Variants in XRCC4 observed in about 807,000 individuals in gnomAD.
XRCC4 encodes X-ray repair cross complementing 4, also known as DNA repair protein XRCC4.
A neutral mutation model predicts 39.1 loss-of-function variants in XRCC4; 28 were observed. The observed-to-expected ratio is 0.72, with a 90% CI of 0.53 to 0.98. The LOEUF (loss-of-function observed/expected upper bound fraction) is 0.98. Among genes scored for constraint, XRCC4 ranks in the 50% least tolerant of loss-of-function variants. The pLI, the probability that XRCC4 is intolerant of heterozygous loss-of-function variation, is 0.00. For synonymous variants in XRCC4, 123 were observed against 126.4 expected (o/e 0.97, Z 0.18); for missense variants, 350 against 376.4 (o/e 0.93, Z 0.58).
intron 7 of XRCC4, among the ~76,000 whole-genome samples, chr5:83,281,481 G>A (rs1754534706): frequency 6.6e-6 from 1 of 151,030 alleles, no homozygotes; most frequent in African/African-American, 2.5e-5. Flanking sequence ...GTGTTCGGTC[G>A]AGTTTGCACT....
At chr5:83,170,817 C>G (rs1464030428) in intron 3 of XRCC4, among the ~76,000 whole-genome samples, 1 of 152,070 alleles carries the variant, frequency 6.6e-6, no homozygotes, top group East Asian at 1.9e-4. Flanking sequence ...TCACTCACAC[C>G]TGAAAGGAGG....
chr5:83,182,439 A>G (rs1330404131), intron 3 of XRCC4, among the ~76,000 whole-genome samples: 2 of 152,196 alleles, frequency 1.3e-5, no homozygotes, highest in African/African-American at 2.4e-5. Context: ...CTTAAAGCCT[A>G]ATTTATTAAA....
chr5:83,152,682 A>T (rs1439692938), intron 3 of XRCC4, among the ~76,000 whole-genome samples: 1 of 151,888 alleles, frequency 6.6e-6, no homozygotes, highest in Non-Finnish European at 1.5e-5. Flanking sequence ...TATTTCAAAG[A>T]CCTTTAAAAG....
At chr5:83,235,530 TATCTC>T (rs1225796079) in intron 6 of XRCC4, among the ~76,000 whole-genome samples, 2 of 151,978 alleles carry the variant, frequency 1.3e-5, no homozygotes, top group African/African-American at 4.8e-5. Flanking sequence ...TAATAAAAAA[TATCTC>T]AACAAACTAG....
At chr5:83,309,821 T>C (rs2112088607) in intron 7 of XRCC4, among the ~76,000 whole-genome samples, 1 of 144,662 alleles carries the variant, frequency 6.9e-6, no homozygotes, top group South Asian at 2.2e-4. Context: ...TTTTAAAATA[T>C]ACCATCTATC....
At chr5:83,276,043 C>T (rs1324596446) in intron 7 of XRCC4, among the ~76,000 whole-genome samples, 1 of 152,128 alleles carries the variant, frequency 6.6e-6, no homozygotes, top group Non-Finnish European at 1.5e-5. Flanking sequence ...TTTACAATGT[C>T]TTGACTTAGG....
intron 1 of XRCC4, among the ~76,000 whole-genome samples, chr5:83,093,165 G>A (rs1355071546): frequency 1.3e-5 from 2 of 151,974 alleles, no homozygotes; most frequent in Non-Finnish European, 2.9e-5. Flanking sequence ...AGCAGAAGTA[G>A]CAATACTTAC....
At chr5:83,080,801 A>T (rs1744903513) in intron 1 of XRCC4, among the ~76,000 whole-genome samples, 1 of 152,232 alleles carries the variant, frequency 6.6e-6, no homozygotes, top group South Asian at 2.1e-4. Context: ...CAATTTGGTT[A>T]TGCCAAAGAG....
At chr5:83,288,174 T>C (rs1754798452) in intron 7 of XRCC4, among the ~76,000 whole-genome samples, 1 of 151,930 alleles carries the variant, frequency 6.6e-6, no homozygotes. Context: ...AAGGTGTTTT[T>C]TATGGCACAG....
At chr5:83,089,775 A>G (rs1205773468) in intron 1 of XRCC4, among the ~76,000 whole-genome samples, 1 of 152,230 alleles carries the variant, frequency 6.6e-6, no homozygotes, top group Admixed American at 6.5e-5. Context: ...TGAAATGTTT[A>G]TTAACAAATG....
chr5:83,157,064 GGGAT>G (rs1748998944), intron 3 of XRCC4, among the ~76,000 whole-genome samples: 1 of 152,092 alleles, frequency 6.6e-6, no homozygotes, highest in Non-Finnish European at 1.5e-5. Context: ...GGAAGATTGA[GGGAT>G]GGACTGTACA....
At chr5:83,369,607 T>A in the XRCC4 span, among the ~76,000 whole-genome samples, 1 of 152,224 alleles carries the variant, frequency 6.6e-6, no homozygotes, top group Non-Finnish European at 1.5e-5. Context: ...TGCATAGTAT[T>A]CCACGGTGTA....
At chr5:83,134,575 T>G (rs919339383) in intron 3 of XRCC4, among the ~76,000 whole-genome samples, 1 of 152,024 alleles carries the variant, frequency 6.6e-6, no homozygotes, top group Non-Finnish European at 1.5e-5. Context: ...ACCAATCAGC[T>G]CTCTGCAAAA....
chr5:83,349,803 G>A lies in XRCC4; in HGVS notation c.894-3328G>A, dbSNP rs146825041. 2.8e-3 allele frequency among the ~76,000 whole-genome samples: 432 copies of A among 152,128 alleles called. 5 individuals are homozygous for A. The highest frequency in any genetic ancestry group is 2.0e-3 in the Non-Finnish European group (139 of 67,994). On this transcript the variant is annotated intron_variant, in intron 7 of 7. Transcript: ENST00000396027. ...TTTTAGATACAGGGGGTACATGTGC[G>A]GGTTTGTTACAGGGGTGTATTGCAT...
At chr5:83,120,015 A>T (rs78068835) in intron 3 of XRCC4, among the ~76,000 whole-genome samples, 2,400 of 147,770 alleles carry the variant, frequency 0.016, 88 homozygotes, top group African/African-American at 0.06. Flanking sequence ...AAAAAAAAAA[A>T]CAATAACAGA....
At chr5:83,132,703 A>T (rs1053629154) in intron 3 of XRCC4, among the ~76,000 whole-genome samples, 2 of 151,958 alleles carry the variant, frequency 1.3e-5, no homozygotes, top group African/African-American at 2.4e-5. Context: ...TGCGGCATGT[A>T]GTTCTTGTGC....
chr5:83,227,643 A>T (rs547450654), intron 6 of XRCC4, among the ~76,000 whole-genome samples: 49 of 152,212 alleles, frequency 3.2e-4, no homozygotes, highest in Admixed American at 1.1e-3. Context: ...CTAACACTCA[A>T]TTATAGGTAA....
intron 6 of XRCC4, among the ~76,000 whole-genome samples, chr5:83,228,737 A>G (rs1752382494): frequency 6.6e-6 from 1 of 152,068 alleles, no homozygotes; most frequent in Non-Finnish European, 1.5e-5. Flanking sequence ...TTATGTTCTA[A>G]ACTTAGGTAG....
At chr5:83,237,547 T>C (rs1358823266) in intron 6 of XRCC4, among the ~76,000 whole-genome samples, 2 of 151,898 alleles carry the variant, frequency 1.3e-5, no homozygotes, top group African/African-American at 4.8e-5. Context: ...GAGAGTAGAA[T>C]GATGGCTACC....
Sources: gnomAD v4.1 joint callset for allele counts (sites outside exome capture counted in the v4.1 genomes callset) on GRCh38, gnomAD v4.1.1 for gene constraint, MANE v1.5 for transcripts, NCBI Gene and HGNC (gene_info 2026-07-23, HGNC 2026-07-21) for gene names.